CTNND2: variants seen among roughly 807,000 people sequenced by gnomAD.
The protein encoded by CTNND2 is catenin delta 2.
In CTNND2, 22 loss-of-function variants were observed where a neutral mutation model predicts 144.4. The ratio of observed to expected loss-of-function variants is 0.15; its 90% CI spans 0.11 to 0.22. CTNND2 has a LOEUF of 0.22. Among genes scored for constraint, CTNND2 ranks in the 10% least tolerant of loss-of-function variants. The probability of loss-of-function intolerance (pLI) is 1.00; values close to 1 mark genes in which losing one functional copy is unlikely to be tolerated. For missense variants in CTNND2, 1,353 were observed against 1,618.8 expected (o/e 0.84, Z 2.82); for synonymous variants, 751 against 695.6 (o/e 1.08, Z -1.25).
At chr5:11,269,998 A>G (rs1745831838) in intron 9 of CTNND2, among the ~76,000 whole-genome samples, 1 of 152,228 alleles carries the variant, frequency 6.6e-6, no homozygotes, top group Non-Finnish European at 1.5e-5. Flanking sequence ...CATGTATAAA[A>G]CAACATTCAC....
At chr5:11,775,718 T>A (rs930527223) in intron 1 of CTNND2, among the ~76,000 whole-genome samples, 11 of 152,104 alleles carry the variant, frequency 7.2e-5, no homozygotes, top group Admixed American at 1.3e-4. Flanking sequence ...CTGAGTAGAG[T>A]ATGTGTCTGC....
Position 11,904,023 on chromosome 5 carries a change from G to C in CTNND2, c.-170C>G. 1 of 630,032 alleles carries C rather than the reference G, an allele frequency of 1.6e-6. No individual in the cohort carries two copies. The highest frequency in any genetic ancestry group is 2.2e-6 in the Non-Finnish European group (1 of 456,532). 39.0% of individuals were successfully genotyped at this position (630,032 alleles called of 1,614,324 possible). ...CGGGCGGCAGGGGCGAGCGCCGCGG[G>C]CGAGAGGCGGCTCCCGACGCGAGTG... On this transcript the variant is annotated 5_prime_UTR_variant, in exon 1 of 22. Transcript: ENST00000304623. This position sits in a 1 kb window ranked among gnomAD's most constrained non-coding sequence, Gnocchi z 4.2.
chr5:11,353,891 A>G (rs1755598945), intron 8 of CTNND2, among the ~76,000 whole-genome samples: 1 of 152,188 alleles, frequency 6.6e-6, no homozygotes, highest in Admixed American at 6.5e-5. Flanking sequence ...TGAAGACAGA[A>G]AGGGATTAGG....
At chr5:11,863,595 T>G (rs1354704513) in intron 1 of CTNND2, among the ~76,000 whole-genome samples, 1 of 152,170 alleles carries the variant, frequency 6.6e-6, no homozygotes, top group Non-Finnish European at 1.5e-5. Flanking sequence ...CTGATTTTCA[T>G]AAAAATAATC....
At chr5:11,674,403 G>A (rs1367509748) in intron 2 of CTNND2, among the ~76,000 whole-genome samples, 1 of 152,122 alleles carries the variant, frequency 6.6e-6, no homozygotes, top group Non-Finnish European at 1.5e-5. Flanking sequence ...AAGCTAAAAG[G>A]AAGGTACCAT....
At chr5:11,255,715 A>C (rs1332507178) in intron 9 of CTNND2, among the ~76,000 whole-genome samples, 1 of 152,138 alleles carries the variant, frequency 6.6e-6, no homozygotes, top group Non-Finnish European at 1.5e-5. Context: ...GTTGGGGAAA[A>C]AATAGTGGGA....
chr5:11,375,286 C>A (rs1347167998), intron 7 of CTNND2, among the ~76,000 whole-genome samples: 2 of 152,150 alleles, frequency 1.3e-5, no homozygotes, highest in African/African-American at 4.8e-5. Flanking sequence ...AAAAGACACC[C>A]TAACTCTCAA....
intron 17 of CTNND2, among the ~76,000 whole-genome samples, chr5:11,020,380 A>G (rs1307345426): frequency 6.6e-6 from 1 of 152,192 alleles, no homozygotes; most frequent in African/African-American, 2.4e-5. Context: ...ATAAGTTTTT[A>G]AGGAATAATT....
intron 2 of CTNND2, among the ~76,000 whole-genome samples, chr5:11,675,271 G>C (rs539732936): frequency 6.6e-6 from 1 of 152,056 alleles, no homozygotes; most frequent in African/African-American, 2.4e-5. Flanking sequence ...ACTTTCCATA[G>C]CACCAGCCCA....
intron 12 of CTNND2, among the ~76,000 whole-genome samples, chr5:11,124,398 C>G (rs1272740151): frequency 6.6e-6 from 1 of 152,152 alleles, no homozygotes; most frequent in Non-Finnish European, 1.5e-5. Flanking sequence ...ATTACCTGAT[C>G]TGAGTAAGTG....
At chr5:11,063,358 AC>A (rs745796256) in intron 16 of CTNND2, among the ~76,000 whole-genome samples, 44 of 152,214 alleles carry the variant, frequency 2.9e-4, no homozygotes, top group Non-Finnish European at 4.3e-4. Context: ...ATATTGAATA[AC>A]TTTAATCAAG....
chr5:11,275,503 C>T (rs961956387), intron 9 of CTNND2, among the ~76,000 whole-genome samples: 3 of 152,212 alleles, frequency 2.0e-5, no homozygotes, highest in African/African-American at 7.2e-5. Flanking sequence ...CTGATGTACA[C>T]ATCTGCTTCT....
chr5:11,330,054 C>T (rs1232839219), intron 9 of CTNND2, among the ~76,000 whole-genome samples: 3 of 152,092 alleles, frequency 2.0e-5, no homozygotes, highest in Admixed American at 1.3e-4. Flanking sequence ...CAGTATGGGC[C>T]TGAATGATAC....
At chr5:11,129,041 A>ATTATATATAAAATATATATT (rs1472718001) in intron 12 of CTNND2, among the ~76,000 whole-genome samples, 1 of 30,742 alleles carries the variant, frequency 3.3e-5, no homozygotes, top group South Asian at 1.2e-3. Context: ...ATAAATATAT[A>ATTATATATAAAATATATATT]TTATATATAA....
intron 11 of CTNND2, among the ~76,000 whole-genome samples, chr5:11,174,154 T>C (rs1231146776): frequency 6.6e-6 from 1 of 152,000 alleles, no homozygotes; most frequent in African/African-American, 2.4e-5. Flanking sequence ...TGGCAGGAAG[T>C]TGTGGGCTCC....
chr5:11,442,581 T>C (rs937396041), intron 3 of CTNND2, among the ~76,000 whole-genome samples: 19 of 151,970 alleles, frequency 1.3e-4, no homozygotes, highest in African/African-American at 3.4e-4. Flanking sequence ...TTTTGGGAAA[T>C]AGGATTAGCT....
At chr5:11,768,713 TA>T (rs2126820165) in intron 1 of CTNND2, among the ~76,000 whole-genome samples, 1 of 152,284 alleles carries the variant, frequency 6.6e-6, no homozygotes, top group Non-Finnish European at 1.5e-5. Flanking sequence ...TGCTCATTGA[TA>T]AAAACTACCT....
chr5:11,175,795 C>G (rs1032977331), intron 11 of CTNND2, among the ~76,000 whole-genome samples: 6 of 152,052 alleles, frequency 3.9e-5, no homozygotes, highest in African/African-American at 2.4e-5. Context: ...ATTTTAAATA[C>G]TGAGGTATAT....
intron 1 of CTNND2, among the ~76,000 whole-genome samples, chr5:11,733,288 G>A (rs916175252): frequency 2.0e-5 from 3 of 152,096 alleles, no homozygotes; most frequent in African/African-American, 7.2e-5. Context: ...CAACATGTGG[G>A]CTCTGACACT....
Sources: allele counts gnomAD v4.1 joint callset (sites outside exome capture counted in the v4.1 genomes callset), GRCh38; gene constraint gnomAD v4.1.1; non-coding constraint Gnocchi (gnomAD v3.1); transcripts MANE v1.5; gene names NCBI Gene and HGNC (gene_info 2026-07-23, HGNC 2026-07-21).